Variants in TJP1 observed in about 807,000 individuals in gnomAD.
TJP1 encodes tight junction protein 1, also known as tight junction protein ZO-1.
Under a neutral mutation model 194.2 loss-of-function variants are expected in TJP1, and 43 were observed. That is an observed-to-expected ratio of 0.22 (90% CI 0.17 to 0.29). The LOEUF (loss-of-function observed/expected upper bound fraction) is 0.29, where lower values mean the gene tolerates loss of function less well. Ranked by LOEUF, TJP1 falls within the 10% of genes least tolerant of loss-of-function variation. The probability of loss-of-function intolerance (pLI) is 1.00; values close to 1 mark genes in which losing one functional copy is unlikely to be tolerated. For missense variants in TJP1, 1,971 were observed against 2,185.7 expected (o/e 0.90, Z 1.96); for synonymous variants, 801 against 779.0 (o/e 1.03, Z -0.47).
intron 2 of TJP1, among the ~76,000 whole-genome samples, chr15:29,929,217 A>G (rs12101675): frequency 0.058 from 8,888 of 152,250 alleles, 751 homozygotes; most frequent in African/African-American, 0.18. Flanking sequence ...TTATGGACAC[A>G]GTTTTAAAAA....
intron 18 of TJP1, among the ~76,000 whole-genome samples, chr15:29,724,297 G>C (rs1445745213): frequency 6.6e-6 from 1 of 152,208 alleles, no homozygotes; most frequent in African/African-American, 2.4e-5. Context: ...GATCTATCCT[G>C]TTAGAGCACA....
At chr15:29,754,611 CAAT>C (rs1240002139) in intron 8 of TJP1, among the ~76,000 whole-genome samples, 2 of 152,138 alleles carry the variant, frequency 1.3e-5, no homozygotes, top group Non-Finnish European at 2.9e-5. Context: ...GATGTTTCAA[CAAT>C]AATTTTTAGC....
At chr15:29,887,754 C>A (rs888189343) in intron 2 of TJP1, among the ~76,000 whole-genome samples, 4 of 152,080 alleles carry the variant, frequency 2.6e-5, no homozygotes, top group African/African-American at 9.7e-5. Context: ...AATGCAAACA[C>A]CAAATTGGAA....
At chr15:29,713,662 A>G (rs1481852759) in intron 23 of TJP1, among the ~76,000 whole-genome samples, 1 of 152,242 alleles carries the variant, frequency 6.6e-6, no homozygotes, top group Non-Finnish European at 1.5e-5. Flanking sequence ...CCAGTTGATG[A>G]AGTTGTACTC....
chr15:29,811,371 A>AG (rs1027302942), intron 1 of TJP1, among the ~76,000 whole-genome samples: 14 of 126,030 alleles, frequency 1.1e-4, no homozygotes, highest in Non-Finnish European at 1.9e-4. Context: ...TAAGGGGAAG[A>AG]GGGGGGTATG....
intron 5 of TJP1, among the ~76,000 whole-genome samples, chr15:29,765,648 T>C (rs905728956): frequency 2.6e-5 from 4 of 152,240 alleles, no homozygotes; most frequent in African/African-American, 9.6e-5. Flanking sequence ...CCCAGCACTG[T>C]GGGAGGCCGA....
chr15:29,704,319 AG>A lies in TJP1; in HGVS notation c.5069-15del. 6.3e-7 allele frequency: 1 copy of A among 1,580,284 alleles called. No homozygotes were observed. On this transcript the variant is annotated splice_polypyrimidine_tract_variant and intron_variant, in intron 26 of 27. Coordinates refer to ENST00000614355, the MANE Select transcript of TJP1 (RefSeq NM_001330239.4). ...GCAGTGTTTCACCTGGAGTTGGAAA[AG>A]GGGATAGGCAGAGAGGATGGATGTG...
intron 8 of TJP1, among the ~76,000 whole-genome samples, chr15:29,752,115 TC>T (rs200728984): frequency 0.08 from 11,035 of 138,324 alleles, 546 homozygotes; most frequent in Non-Finnish European, 0.11. Context: ...TTTTTTTTTT[TC>T]CCCCCAGACG....
At chr15:29,797,171 CAG>C (rs1413051131) in intron 2 of TJP1, among the ~76,000 whole-genome samples, 1 of 152,084 alleles carries the variant, frequency 6.6e-6, no homozygotes, top group Non-Finnish European at 1.5e-5. Context: ...CCTTTTGAGA[CAG>C]AGTCTTACTC....
At chr15:29,849,624 A>G (rs1014101382) in intron 2 of TJP1, among the ~76,000 whole-genome samples, 1 of 151,830 alleles carries the variant, frequency 6.6e-6, no homozygotes, top group African/African-American at 2.4e-5. Flanking sequence ...CTGTAATCCT[A>G]GCTACTCAGG....
Position 29,718,589 on chromosome 15 carries a change from G to T in TJP1, c.3553C>A (p.Pro1185Thr), listed in dbSNP as rs1242807413. 9 of 1,614,180 alleles carry T rather than the reference G, an allele frequency of 5.6e-6. No homozygotes were observed. Among genetic ancestry groups the T allele is most frequent in the Non-Finnish European group, 4.2e-6 (5 of 1,180,040 alleles). The change falls in exon 21 of 28, where the codon CCT becomes ACT. Residue 1185 changes from proline (P) to threonine (T), a missense_variant. Coordinates refer to ENST00000614355, the MANE Select transcript of TJP1 (RefSeq NM_001330239.4). ...AQPHPSAGPK[P>T]AESKQYFEQY... ...TCAAAATACTGCTTGGACTCTGCAG[G>T]CTTGGGCCCTGCTGAAGGGTGGGGC...
intron 2 of TJP1, among the ~76,000 whole-genome samples, chr15:29,913,485 A>G (rs1473921780): frequency 6.6e-6 from 1 of 152,154 alleles, no homozygotes; most frequent in Admixed American, 6.5e-5. Context: ...CTTTTTCTAG[A>G]AGGGGGTCTA....
intron 1 of TJP1, among the ~76,000 whole-genome samples, chr15:29,806,569 T>C (rs2049122625): frequency 6.6e-6 from 1 of 152,212 alleles, no homozygotes; most frequent in African/African-American, 2.4e-5. Flanking sequence ...GAACGGCTTC[T>C]CATTCCTTCT....
chr15:29,943,136 G>T (rs957718978), intron 2 of TJP1, among the ~76,000 whole-genome samples: 1 of 152,118 alleles, frequency 6.6e-6, no homozygotes, highest in Non-Finnish European at 1.5e-5. Flanking sequence ...CTAGAAGATC[G>T]CCACAAGGGA....
chr15:29,726,701 T>C lies in TJP1; in HGVS notation c.2311+80A>G, dbSNP rs1474344077. 3 of 1,370,474 alleles carry C rather than the reference T, an allele frequency of 2.2e-6. No individual in the cohort carries two copies. The African/African-American group carries it at 4.3e-5, about 20-fold the overall frequency. The allele number at this position is 1,370,474 out of a possible 1,614,324, so 84.9% of individuals were successfully genotyped here. A position where few individuals can be genotyped will look rare whatever the true frequency, so the allele number is the denominator to read the frequency against. ...GAAAGTATCATGTAAGTTTTAGTAT[T>C]TGAACACCGTAACATTTTGGCCTAC... On this transcript the variant is annotated intron_variant, in intron 17 of 27. Coordinates refer to ENST00000614355, the MANE Select transcript of TJP1 (RefSeq NM_001330239.4).
rs756820699 is a variant in TJP1, at chr15:29,772,139, G to A, written c.237C>T (p.Asn79=). ...GTTCAACATTATCCATTGAAACTCC[G>A]TTAACCATTGCAACTCGGTCATTTT... ...LQENDRVAMV[N]GVSMDNVEHA... is the part of the protein sequence containing the mutation. Residue 79 remains asparagine, a synonymous_variant, in exon 4 of 28, where the codon AAC becomes AAT. Transcript: ENST00000614355. The A allele has an allele frequency of 1.5e-5, 24 of 1,603,220 alleles. No individual in the cohort carries two copies. Among genetic ancestry groups the A allele is most frequent in the African/African-American group, 5.4e-5 (4 of 74,294 alleles).
Position 29,822,185 on chromosome 15 carries a change from T to C in TJP1, c.-157A>G. On this transcript the variant is annotated 5_prime_UTR_variant, in exon 1 of 28. Coordinates refer to ENST00000614355, the MANE Select transcript of TJP1 (RefSeq NM_001330239.4). The stretch of plus-strand genomic sequence containing the variant: ...AAGGGCCCGGCCCAGGGGGAGGGAA[T>C]TCAACTCGGACAAAAGTCCGGGAAG... 8.5e-7 allele frequency: 1 copy of C among 1,177,160 alleles called. No individual in the cohort carries two copies. Among genetic ancestry groups the C allele is most frequent in the Non-Finnish European group, 1.0e-6 (1 of 953,488 alleles). The allele number at this position is 1,177,160 out of a possible 1,614,324, so 72.9% of individuals were successfully genotyped here.
At chr15:29,779,074 A>G (rs2047192197) in intron 2 of TJP1, among the ~76,000 whole-genome samples, 1 of 152,182 alleles carries the variant, frequency 6.6e-6, no homozygotes, top group Admixed American at 6.6e-5. Flanking sequence ...ATCTCCCACG[A>G]ACTTCCTTAC....
At chr15:29,865,857 T>C (rs1237645639) in intron 2 of TJP1, among the ~76,000 whole-genome samples, 2 of 152,074 alleles carry the variant, frequency 1.3e-5, no homozygotes, top group East Asian at 3.9e-4. Context: ...GCTAAAGAAA[T>C]AGAAGTAGAG....
Sources: allele counts gnomAD v4.1 joint callset (sites outside exome capture counted in the v4.1 genomes callset), GRCh38; gene constraint gnomAD v4.1.1; transcripts MANE v1.5; gene names NCBI Gene and HGNC (gene_info 2026-07-23, HGNC 2026-07-21).